CPSF4: variants seen among roughly 807,000 people sequenced by gnomAD.
CPSF4 encodes cleavage and polyadenylation specific factor 4.
In CPSF4, 11 loss-of-function variants were observed where a neutral mutation model predicts 37.7. That is an observed-to-expected ratio of 0.29 (90% confidence interval 0.18 to 0.48). The LOEUF (loss-of-function observed/expected upper bound fraction) is 0.48. Ranked by LOEUF, CPSF4 falls within the 20% of genes least tolerant of loss-of-function variation. CPSF4 has a pLI of 0.99. For missense variants in CPSF4, 144 were observed against 359.5 expected (o/e 0.40, Z 4.85); for synonymous variants, 132 against 135.9 (o/e 0.97, Z 0.20).
chr7:99,453,880 G>T lies in CPSF4; in HGVS notation c.571-86G>T. On this transcript the variant is annotated intron_variant, in intron 6 of 7. Transcript: ENST00000292476. This position sits in a 1 kb window ranked among gnomAD's most constrained non-coding sequence, Gnocchi z 4.7. The stretch of plus-strand genomic sequence containing the variant: ...CTGCTTCCTGCCGTTTGCGGGACGA[G>T]TCCCGCCCTCTTTTTTCCTGTCCCC... 7.4e-7 allele frequency: 1 copy of T among 1,353,378 alleles called. No homozygotes were observed. 83.8% of individuals were successfully genotyped at this position (1,353,378 alleles called of 1,614,324 possible).
chr7:99,440,264 C>T (rs1403291105), intron 1 of CPSF4, among the ~76,000 whole-genome samples: 2 of 152,188 alleles, frequency 1.3e-5, no homozygotes, highest in African/African-American at 2.4e-5. Context: ...TCTCCCACCG[C>T]TCCCAGCAGC....
rs757032878 is a variant in CPSF4 at position 99,452,401 on chromosome 7, G to A, written c.531G>A (p.Glu177=). 6.2e-7 allele frequency: 1 copy of A among 1,614,014 alleles called. No individual in the cohort carries two copies. Among genetic ancestry groups the A allele is most frequent in the South Asian group, 1.1e-5 (1 of 91,090 alleles). The change falls in exon 6 of 8, where the codon GAG becomes GAA. Residue 177 remains glutamate, a synonymous_variant. Coordinates refer to ENST00000292476, the MANE Select transcript of CPSF4 (RefSeq NM_006693.4). ...TTGAACTGCCCATGGGAACCACCGA[G>A]CAGCCCCCACTGCCGCAGCAGACAC... The part of the protein sequence containing the change: ...PRFELPMGTT[E]QPPLPQQTQP...
At position 99,444,910 on chromosome 7, in the gene CPSF4, G is replaced by T. The variant is rs1028938062; in HGVS notation, c.154+71G>T. 10 of 1,333,512 alleles carry T rather than the reference G, an allele frequency of 7.5e-6. No individual in the cohort carries two copies. In the Middle Eastern group the frequency reaches 9.0e-4, roughly 120 times the overall value. The allele number at this position is 1,333,512 out of a possible 1,614,324, so 82.6% of individuals were successfully genotyped here. On this transcript the variant is annotated intron_variant, in intron 2 of 7. Transcript: ENST00000292476. Reference sequence around the variant, plus strand: ...CACCTCCTTCTCCCCGGCAGACTTGGAGGCCGCCAGGTCTCTGGCTTACAT... The same window carrying T: ...CACCTCCTTCTCCCCGGCAGACTTGTAGGCCGCCAGGTCTCTGGCTTACAT...
intron 1 of CPSF4, among the ~76,000 whole-genome samples, chr7:99,442,067 C>G (rs915823400): frequency 1.6e-4 from 24 of 152,176 alleles, no homozygotes; most frequent in African/African-American, 5.8e-4. Flanking sequence ...CAGCTGTGTC[C>G]TAGCAAAATC....
At chr7:99,443,598 G>A in intron 1 of CPSF4, 1 of 543,096 alleles carries the variant, frequency 1.8e-6, no homozygotes. Flanking sequence ...CGGATCACGA[G>A]GTCAGGAGTT....
intron 1 of CPSF4, among the ~76,000 whole-genome samples, chr7:99,439,974 A>G (rs1273198580): frequency 6.6e-6 from 1 of 151,942 alleles, no homozygotes; most frequent in Non-Finnish European, 1.5e-5. Context: ...TCCCCTTCAT[A>G]TGGTGGCTCC....
intron 7 of CPSF4, among the ~76,000 whole-genome samples, chr7:99,455,433 G>A (rs1428280491): frequency 6.6e-6 from 1 of 152,236 alleles, no homozygotes; most frequent in African/African-American, 2.4e-5. Context: ...GGGTGCGGTG[G>A]CTCACGCCTG....
In CPSF4 at chr7:99,453,194, C is replaced by T. The variant is rs937756270; in HGVS notation, c.570+754C>T. On this transcript the variant is annotated intron_variant, in intron 6 of 7. Transcript: ENST00000292476. This position sits in a 1 kb window ranked among gnomAD's most constrained non-coding sequence, Gnocchi z 4.7. Reference sequence around the variant, plus strand: ...GGGTTCCCAACAGGCCCATCAAGCCCAACCACCTCCTGAGCCCAATGCCTC... The same window carrying T: ...GGGTTCCCAACAGGCCCATCAAGCCTAACCACCTCCTGAGCCCAATGCCTC... The T allele has an allele frequency of 2.6e-5, 4 of 152,584 alleles. No individual in the cohort carries two copies. Among genetic ancestry groups the T allele is most frequent in the Non-Finnish European group, 5.9e-5 (4 of 68,342 alleles). 9.5% of individuals were successfully genotyped at this position (152,584 alleles called of 1,614,324 possible).
intron 3 of CPSF4, among the ~76,000 whole-genome samples, chr7:99,449,597 T>C (rs2151003210): frequency 6.6e-6 from 1 of 152,372 alleles, no homozygotes; most frequent in African/African-American, 2.4e-5. Flanking sequence ...TTCCAGGCAC[T>C]GGAGGGACAA....
chr7:99,444,331 C>A lies in CPSF4; in HGVS notation c.104-458C>A, dbSNP rs1350402685. ...AATTAGCCAAGCGTGGTGGCAGGCA[C>A]CTGTAATCCCAGCTACTTGGGAGGC... On this transcript the variant is annotated intron_variant, in intron 1 of 7. Transcript: ENST00000292476. Among the ~76,000 whole-genome samples the A allele has an allele frequency of 2.6e-5, 4 of 152,106 alleles. No homozygotes were observed. In the East Asian group the frequency reaches 5.8e-4, roughly 22 times the overall value.
At chr7:99,440,813 A>G (rs577948764) in intron 1 of CPSF4, among the ~76,000 whole-genome samples, 8 of 150,598 alleles carry the variant, frequency 5.3e-5, no homozygotes, top group Non-Finnish European at 1.0e-4. Flanking sequence ...AGACCACCCT[A>G]TTTGACACAG....
chr7:99,443,887 C>G (rs1471538982), intron 1 of CPSF4, among the ~76,000 whole-genome samples: 1 of 152,062 alleles, frequency 6.6e-6, no homozygotes, highest in African/African-American at 2.4e-5. Context: ...CCACCACACT[C>G]TAGCCTGGGC....
intron 7 of CPSF4, among the ~76,000 whole-genome samples, chr7:99,456,214 G>A (rs1437826873): frequency 6.6e-6 from 1 of 152,226 alleles, no homozygotes; most frequent in Non-Finnish European, 1.5e-5. Flanking sequence ...CATCTGCGGA[G>A]TTGCTGGCTA....
At chr7:99,440,670 A>ATGTTTTTT (rs1562852811) in intron 1 of CPSF4, among the ~76,000 whole-genome samples, 7 of 82,706 alleles carry the variant, frequency 8.5e-5, no homozygotes, top group African/African-American at 5.0e-4. Context: ...ATATATATAT[A>ATGTTTTTT]TATATTTTTT....
chr7:99,442,567 A>G (rs1287646167), intron 1 of CPSF4, among the ~76,000 whole-genome samples: 1 of 147,054 alleles, frequency 6.8e-6, no homozygotes, highest in African/African-American at 2.6e-5. Flanking sequence ...GAGGCAGGAG[A>G]ATGGTGTGAA....
Position 99,453,801 on chromosome 7 carries a change from T to C in CPSF4, c.571-165T>C. On this transcript the variant is annotated intron_variant, in intron 6 of 7. Transcript: ENST00000292476. The surrounding 1 kb of genome is among the most constrained non-coding windows in gnomAD (Gnocchi z 4.7). Reference sequence around the variant, plus strand: ...TTTCGGGCAGTGGCTTCTGCCATCATCACCACATGTTTCTCTGCTGCCCAC... The same window carrying C: ...TTTCGGGCAGTGGCTTCTGCCATCACCACCACATGTTTCTCTGCTGCCCAC... The C allele has an allele frequency of 3.1e-6, 2 of 636,112 alleles. No homozygotes were observed. Among genetic ancestry groups the C allele is most frequent in the Admixed American group, 2.7e-5 (1 of 36,706 alleles). 39.4% of individuals were successfully genotyped at this position (636,112 alleles called of 1,614,324 possible).
In CPSF4 at chr7:99,438,962, C is replaced by A; in HGVS notation, c.-121C>A. On this transcript the variant is annotated 5_prime_UTR_variant, in exon 1 of 8. Transcript: ENST00000292476. ...GCTCCCGGCATCCCTCGGGCGGCGG[C>A]GGCGGCGGCGGCGAGGCGAAGCGAA... 2 of 1,327,166 alleles carry A rather than the reference C, an allele frequency of 1.5e-6. No homozygotes were observed. The highest frequency in any genetic ancestry group is 1.9e-6 in the Non-Finnish European group (2 of 1,033,688). 82.2% of individuals were successfully genotyped at this position (1,327,166 alleles called of 1,614,324 possible). A position where few individuals can be genotyped will look rare whatever the true frequency, so the allele number is the denominator to read the frequency against.
Position 99,450,258 on chromosome 7 carries a change from G to T in CPSF4, c.308-18G>T, listed in dbSNP as rs201957220. Reference sequence around the variant, plus strand: ...GCCCCGGCCTTCCCAGTGGTCTCACGTCTGAGTTTCCCTGCAGGGGAGTGC... The same window carrying T: ...GCCCCGGCCTTCCCAGTGGTCTCACTTCTGAGTTTCCCTGCAGGGGAGTGC... On this transcript the variant is annotated intron_variant, in intron 3 of 7. Transcript: ENST00000292476. The T allele has an allele frequency of 1.2e-6, 2 of 1,602,934 alleles. No individual in the cohort carries two copies. The highest frequency in any genetic ancestry group is 2.2e-5 in the East Asian group (1 of 44,792).
At chr7:99,440,655 C>CGCATATATATATATATATATATATATAT (rs1363427698) in intron 1 of CPSF4, among the ~76,000 whole-genome samples, 9 of 90,586 alleles carry the variant, frequency 9.9e-5, no homozygotes, top group African/African-American at 6.0e-4. Context: ...CTGCACCTGG[C>CGCATATATATATATATATATATATATAT]ATATATATAT....
Sources: allele counts gnomAD v4.1 joint callset (sites outside exome capture counted in the v4.1 genomes callset), GRCh38; gene constraint gnomAD v4.1.1; non-coding constraint Gnocchi (gnomAD v3.1); transcripts MANE v1.5; gene names NCBI Gene and HGNC (gene_info 2026-07-23, HGNC 2026-07-21).